Variants in NXPE2 observed in about 807,000 individuals in gnomAD.
NXPE2 encodes the protein neurexophilin and PC-esterase domain family member 2, also known as NXPE family member 2.
A neutral mutation model predicts 34.4 loss-of-function variants in NXPE2; 34 were observed. The ratio of observed to expected loss-of-function variants is 0.99; its 90% CI spans 0.75 to 1.31. The LOEUF (loss-of-function observed/expected upper bound fraction) is 1.31. Among genes scored for constraint, NXPE2 ranks in the 40% most tolerant of loss-of-function variants. The probability of loss-of-function intolerance (pLI) is 0.00; values close to 1 mark genes in which losing one functional copy is unlikely to be tolerated. For synonymous variants in NXPE2, 235 were observed against 231.3 expected, an observed-to-expected ratio of 1.02 and a Z score of -0.15; for missense variants, 649 against 672.5, an observed-to-expected ratio of 0.97 and a Z score of 0.39.
the NXPE2 span, among the ~76,000 whole-genome samples, chr11:114,602,072 A>G: frequency 9.6e-5 from 9 of 93,982 alleles, no homozygotes; most frequent in Non-Finnish European, 1.5e-4. Context: ...TATAATATAT[A>G]TTCTATATTT....
chr11:114,774,390 G>A, the NXPE2 span, among the ~76,000 whole-genome samples: 17 of 152,312 alleles, frequency 1.1e-4, no homozygotes, highest in African/African-American at 3.8e-4. Context: ...TTTTCATTGT[G>A]ATTTCAGTGG....
the NXPE2 span, among the ~76,000 whole-genome samples, chr11:114,575,683 G>A: frequency 0.022 from 3,391 of 152,062 alleles, 129 homozygotes; most frequent in African/African-American, 0.077. Context: ...ACAAAACACC[G>A]CCCAAAGAAA....
the NXPE2 span, among the ~76,000 whole-genome samples, chr11:114,501,953 ATCT>A: frequency 6.6e-6 from 1 of 152,170 alleles, no homozygotes; most frequent in Admixed American, 6.5e-5. Context: ...CTTGTGAAAA[ATCT>A]TCTTTCACAT....
At chr11:114,580,382 T>TATGTTTATTTGTATTAA in the NXPE2 span, 4 of 1,538,030 alleles carry the variant, frequency 2.6e-6, no homozygotes, top group Admixed American at 3.3e-5. Context: ...AACATCAAAT[T>TATGTTTATTTGTATTAA]ACCCGTCAGT....
the NXPE2 span, among the ~76,000 whole-genome samples, chr11:114,471,249 G>A: frequency 6.6e-6 from 1 of 152,098 alleles, no homozygotes; most frequent in East Asian, 1.9e-4. Flanking sequence ...TGCTCTACAA[G>A]TTTTACAGAT....
At chr11:114,613,327 C>T in the NXPE2 span, among the ~76,000 whole-genome samples, 1 of 151,856 alleles carries the variant, frequency 6.6e-6, no homozygotes, top group South Asian at 2.1e-4. Context: ...ACCACTGTTA[C>T]CCGATGGATA....
the NXPE2 span, among the ~76,000 whole-genome samples, chr11:114,754,849 G>A: frequency 6.6e-6 from 1 of 152,328 alleles, no homozygotes; most frequent in African/African-American, 2.4e-5. Flanking sequence ...TAAGAAATGG[G>A]TCCCAGGGAA....
chr11:114,489,491 T>A, the NXPE2 span, among the ~76,000 whole-genome samples: 1 of 152,138 alleles, frequency 6.6e-6, no homozygotes, highest in Admixed American at 6.5e-5. Flanking sequence ...CAGCAGCACA[T>A]CAAAAAGCTT....
At chr11:114,586,098 T>C in the NXPE2 span, among the ~76,000 whole-genome samples, 1 of 152,188 alleles carries the variant, frequency 6.6e-6, no homozygotes, top group Non-Finnish European at 1.5e-5. Flanking sequence ...GTGACCAATC[T>C]TTTTTGCCCT....
the NXPE2 span, among the ~76,000 whole-genome samples, chr11:114,771,421 A>G: frequency 1.3e-5 from 2 of 150,962 alleles, no homozygotes; most frequent in East Asian, 3.9e-4. Context: ...TGTTTTCAGC[A>G]TCAGCTCAGG....
chr11:114,641,688 C>T, the NXPE2 span, among the ~76,000 whole-genome samples: 19 of 151,996 alleles, frequency 1.3e-4, no homozygotes, highest in Middle Eastern at 0.01. Context: ...AACAAAGAAA[C>T]AATAGAGATG....
the NXPE2 span, among the ~76,000 whole-genome samples, chr11:114,769,177 CATTT>C: frequency 6.6e-6 from 1 of 151,582 alleles, no homozygotes; most frequent in Non-Finnish European, 1.5e-5. Flanking sequence ...CAAAAGAAGA[CATTT>C]ATGTGACCAA....
the NXPE2 span, among the ~76,000 whole-genome samples, chr11:114,492,351 A>T: frequency 6.6e-6 from 1 of 152,034 alleles, no homozygotes; most frequent in Non-Finnish European, 1.5e-5. Context: ...TTTCAGAAAG[A>T]TACTTGATAT....
chr11:114,509,302 A>G, the NXPE2 span, among the ~76,000 whole-genome samples: 12 of 152,224 alleles, frequency 7.9e-5, no homozygotes, highest in African/African-American at 2.9e-4. Flanking sequence ...GAGAAAAAGG[A>G]ATGCTTTTAC....
chr11:114,764,452 GCT>G, the NXPE2 span, among the ~76,000 whole-genome samples: 1 of 151,020 alleles, frequency 6.6e-6, no homozygotes, highest in African/African-American at 2.4e-5. Flanking sequence ...GGAAAGAGAG[GCT>G]TCTGTGTGTG....
the NXPE2 span, among the ~76,000 whole-genome samples, chr11:114,641,972 A>T: frequency 6.6e-6 from 1 of 152,086 alleles, no homozygotes; most frequent in African/African-American, 2.4e-5. Flanking sequence ...GTGGTATATA[A>T]CAACACAATT....
At chr11:114,537,357 T>C in the NXPE2 span, among the ~76,000 whole-genome samples, 1 of 152,224 alleles carries the variant, frequency 6.6e-6, no homozygotes, top group Non-Finnish European at 1.5e-5. Context: ...AGCATTCCCT[T>C]TGAAAACTGG....
the NXPE2 span, among the ~76,000 whole-genome samples, chr11:114,738,436 C>T: frequency 6.6e-6 from 1 of 152,090 alleles, no homozygotes; most frequent in Non-Finnish European, 1.5e-5. Flanking sequence ...CTCTTTGGCT[C>T]CCTTAATGCC....
At chr11:114,726,949 C>T in the NXPE2 span, among the ~76,000 whole-genome samples, 1 of 131,800 alleles carries the variant, frequency 7.6e-6, no homozygotes, top group Admixed American at 7.8e-5. Flanking sequence ...ATCGTATTGT[C>T]TAAGAAGACA....
Sources: gnomAD v4.1 joint callset for allele counts (sites outside exome capture counted in the v4.1 genomes callset) on GRCh38, gnomAD v4.1.1 for gene constraint, MANE v1.5 for transcripts, NCBI Gene and HGNC (gene_info 2026-07-23, HGNC 2026-07-21) for gene names.